Variants in PLXNA4 observed in about 807,000 individuals in gnomAD.
The protein encoded by PLXNA4 is plexin-A4.
A neutral mutation model predicts 191.8 loss-of-function variants in PLXNA4; 44 were observed. That is an observed-to-expected ratio of 0.23 (90% CI 0.18 to 0.29). The LOEUF (loss-of-function observed/expected upper bound fraction) is 0.29, where lower values mean the gene tolerates loss of function less well. Among genes scored for constraint, PLXNA4 ranks in the 10% least tolerant of loss-of-function variants. PLXNA4 has a pLI of 1.00. For synonymous variants in PLXNA4, 1,082 were observed against 1,009.5 expected, an observed-to-expected ratio of 1.07 and a Z score of -1.36; for missense variants, 1,800 against 2,488.8, an observed-to-expected ratio of 0.72 and a Z score of 5.89.
rs531336321 is a variant in PLXNA4, at chr7:132,408,089, T to C, written c.1371+81203A>G. Among the ~76,000 whole-genome samples the C allele has an allele frequency of 3.3e-5, 5 of 152,284 alleles. No homozygotes were observed. The South Asian group carries it at 8.3e-4, about 25-fold the overall frequency. On this transcript the variant is annotated intron_variant, in intron 3 of 31. Coordinates refer to ENST00000321063, the MANE Select transcript of PLXNA4 (RefSeq NM_020911.2). ...ATAATTTTCATATCAGCATTATTTATAATTTAAAAATGAGAACTAACTTAA... is the reference window on the plus strand; with the variant it reads ...ATAATTTTCATATCAGCATTATTTACAATTTAAAAATGAGAACTAACTTAA...
intron 4 of PLXNA4, chr7:132,271,342 A>G (rs1800061408): frequency 1.3e-5 from 2 of 152,086 alleles, no homozygotes; most frequent in African/African-American, 4.8e-5. Context: ...CTGGATGTCT[A>G]AAAACCATGA....
intron 2 of PLXNA4, among the ~76,000 whole-genome samples, chr7:132,630,882 G>A (rs1348798721): frequency 1.3e-5 from 2 of 152,196 alleles, no homozygotes; most frequent in African/African-American, 4.8e-5. Context: ...TGTTTGATCT[G>A]TAAGTTTACC....
chr7:132,500,174 C>T lies in PLXNA4; in HGVS notation c.1188+7332G>A, dbSNP rs561248487. Reference sequence around the variant, plus strand: ...AATGCATTATCTTATCATTCATAACCTGTGCTATATAGAAAGGAAGGCAAT... The same window carrying T: ...AATGCATTATCTTATCATTCATAACTTGTGCTATATAGAAAGGAAGGCAAT... On this transcript the variant is annotated intron_variant, in intron 2 of 31. Transcript: ENST00000321063. 2.6e-5 allele frequency among the ~76,000 whole-genome samples: 4 copies of T among 152,266 alleles called. No homozygotes were observed. The East Asian group carries it at 7.7e-4, about 29-fold the overall frequency.
rs1475888283 is a variant in PLXNA4 at position 132,148,562 on chromosome 7, T to C, written c.4745A>G (p.Asn1582Ser). Residue 1582 changes from asparagine to serine, a missense_variant, in exon 26 of 32, where the codon AAC becomes AGC. By Grantham distance (46) the Asn-to-Ser change is conservative. Transcript: ENST00000321063. ...TKIENDWKRL[N>S]TLAHYQVPDG... ...CCTCACCTGGTAGTGGGCCAGTGTG[T>C]TCAGTCGCTTCCAATCATTCTCAAT... 1 of 1,614,156 alleles carries C rather than the reference T, an allele frequency of 6.2e-7. No homozygotes were observed. Among genetic ancestry groups the C allele is most frequent in the Non-Finnish European group, 8.5e-7 (1 of 1,180,008 alleles).
rs577636063 is a variant in PLXNA4, at chr7:132,561,806, C to G, written c.-87+14616G>C. The stretch of plus-strand genomic sequence containing the variant: ...CGTCCTTAACCTCCTCCTCCTTATC[C>G]TCCTCTTTCTCCTCCTTCTTCTCCT... On this transcript the variant is annotated intron_variant, in intron 1 of 31. Transcript: ENST00000321063. Among the ~76,000 whole-genome samples, 57 of 138,644 alleles carry G rather than the reference C, an allele frequency of 4.1e-4. 1 individual carries two copies. In the South Asian group the frequency reaches 0.014, roughly 35 times the overall value. The allele number at this position is 138,644 out of a possible 152,430, so 91.0% of individuals were successfully genotyped here.
In PLXNA4 at chr7:132,198,493, A is replaced by C; in HGVS notation, c.2730T>G (p.Pro910=). 6.2e-7 allele frequency: 1 copy of C among 1,614,072 alleles called. No homozygotes were observed. ...CATGCAGCTTCACTTACTGTTCTGC[A>C]GGGATGTAACCATCCACTAAAGGGC... is the stretch of plus-strand genomic sequence containing the variant. The part of the protein sequence containing the change: ...ECSPLVDGYI[P]AEQIVCEMGE... Residue 910 remains proline, a synonymous_variant, in exon 13 of 32, where the codon CCT becomes CCG. Transcript: ENST00000321063.
intron 2 of PLXNA4, among the ~76,000 whole-genome samples, chr7:132,588,849 A>G (rs1802556298): frequency 6.6e-6 from 1 of 151,500 alleles, no homozygotes; most frequent in African/African-American, 2.4e-5. Flanking sequence ...AAGGAAGGAA[A>G]CAAGAAAGGA....
At chr7:132,482,143 T>C (rs1375614975) in intron 3 of PLXNA4, among the ~76,000 whole-genome samples, 1 of 152,136 alleles carries the variant, frequency 6.6e-6, no homozygotes, top group Admixed American at 6.5e-5. Context: ...GATCCCCACC[T>C]CTGGGTATTC....
chr7:132,480,677 A>G (rs1797300212), intron 3 of PLXNA4, among the ~76,000 whole-genome samples: 1 of 152,214 alleles, frequency 6.6e-6, no homozygotes, highest in Non-Finnish European at 1.5e-5. Context: ...AGTCTGTCCC[A>G]GGCAGCAGGC....
intron 3 of PLXNA4, among the ~76,000 whole-genome samples, chr7:132,302,099 T>A (rs1201313385): frequency 6.6e-6 from 1 of 152,162 alleles, no homozygotes; most frequent in Non-Finnish European, 1.5e-5. Context: ...TCCATGGGAC[T>A]TCGGGCAGTT....
chr7:132,206,801 C>A (rs988328449), intron 10 of PLXNA4, among the ~76,000 whole-genome samples: 2 of 152,092 alleles, frequency 1.3e-5, no homozygotes, highest in African/African-American at 2.4e-5. Context: ...CCCCCAGGAT[C>A]GCCCTATCTC....
chr7:132,469,672 T>C (rs1240899879), intron 3 of PLXNA4, among the ~76,000 whole-genome samples: 1 of 152,234 alleles, frequency 6.6e-6, no homozygotes, highest in Non-Finnish European at 1.5e-5. Context: ...AATATACCTC[T>C]GTGGTTTCTC....
rs771407096 is a variant in PLXNA4 at position 132,181,626 on chromosome 7, G to A, written c.3253-6C>T. The A allele has an allele frequency of 6.2e-6, 10 of 1,613,648 alleles. No homozygotes were observed. The South Asian group carries it at 9.9e-5, about 16-fold the overall frequency. On this transcript the variant is annotated splice_region_variant and splice_polypyrimidine_tract_variant and intron_variant, in intron 17 of 31. Transcript: ENST00000321063. ...GCGTTCAGAACCTCACAGATCTGTG[G>A]GAGGAGCCACAGAGTGGAGTCTATG...
rs1278672616 is a variant in PLXNA4, at chr7:132,181,399, G to T, written c.3474C>A (p.Gly1158=). 1.2e-6 allele frequency: 2 copies of T among 1,614,012 alleles called. No homozygotes were observed. The highest frequency in any genetic ancestry group is 2.2e-5 in the South Asian group (2 of 91,070). The stretch of plus-strand genomic sequence containing the variant: ...ACTCCACCTTTAGGATGATGGGCGT[G>T]CCAGGCTTGAGCTCCAGGATTCCTG... ...GPSGILELKP[G]TPIILKGKNL... The change falls in exon 18 of 32, where the codon GGC becomes GGA. Residue 1158 remains glycine (G), a synonymous_variant. Coordinates refer to ENST00000321063, the MANE Select transcript of PLXNA4 (RefSeq NM_020911.2).
At chr7:132,581,936 G>A (rs1260376345), upstream of PLXNA4, among the ~76,000 whole-genome samples, 2 of 152,192 alleles carry the variant, frequency 1.3e-5, no homozygotes, top group Non-Finnish European at 2.9e-5. Flanking sequence ...GAAACCAGAA[G>A]TTAGAGGATA....
chr7:132,203,860 A>G (rs1158265681), intron 10 of PLXNA4, among the ~76,000 whole-genome samples: 3 of 152,128 alleles, frequency 2.0e-5, no homozygotes, highest in Admixed American at 6.5e-5. Flanking sequence ...AGATTGGGGA[A>G]CTCTAATTTC....
At chr7:132,276,364 T>C (rs1451881059) in intron 4 of PLXNA4, among the ~76,000 whole-genome samples, 1 of 152,084 alleles carries the variant, frequency 6.6e-6, no homozygotes, top group African/African-American at 2.4e-5. Flanking sequence ...AGATGGAAAA[T>C]AAAGTATAGC....
intron 4 of PLXNA4, among the ~76,000 whole-genome samples, chr7:132,242,086 T>A (rs1364360399): frequency 6.6e-6 from 1 of 152,216 alleles, no homozygotes; most frequent in African/African-American, 2.4e-5. Flanking sequence ...AACGGAGTTT[T>A]TATTTTCTTT....
At chr7:132,176,941 C>T (rs1796488138) in intron 20 of PLXNA4, among the ~76,000 whole-genome samples, 1 of 151,300 alleles carries the variant, frequency 6.6e-6, no homozygotes, top group Non-Finnish European at 1.5e-5. Flanking sequence ...CATGTGTGTG[C>T]ACGCCTGCAA....
Sources: gnomAD v4.1 joint callset for allele counts (sites outside exome capture counted in the v4.1 genomes callset) on GRCh38, gnomAD v4.1.1 for gene constraint, MANE v1.5 for transcripts, NCBI Gene and HGNC (gene_info 2026-07-23, HGNC 2026-07-21) for gene names.